Variants in HHAT observed in about 807,000 individuals in gnomAD.
The protein encoded by HHAT is protein-cysteine N-palmitoyltransferase HHAT.
A neutral mutation model predicts 70.8 loss-of-function variants in HHAT; 47 were observed. The observed-to-expected ratio is 0.66, with a 90% confidence interval of 0.53 to 0.85. The LOEUF is 0.85. HHAT is among the 40% of genes least tolerant of loss of function. The pLI is 0.00. For synonymous variants in HHAT, 228 were observed against 247.6 expected (o/e 0.92, Z 0.74); for missense variants, 609 against 604.8 (o/e 1.01, Z -0.07).
chr1:210,543,770 T>C (rs2095454651), intron 9 of HHAT, among the ~76,000 whole-genome samples: 1 of 152,204 alleles, frequency 6.6e-6, no homozygotes. Context: ...ATCCTTTCCA[T>C]GAACTCCTTA....
chr1:210,415,366 G>A (rs1181707809), intron 6 of HHAT, among the ~76,000 whole-genome samples: 1 of 152,174 alleles, frequency 6.6e-6, no homozygotes, highest in Non-Finnish European at 1.5e-5. Context: ...TTGAGGTAAG[G>A]ATTCAAATGA....
chr1:210,529,499 C>A (rs2095290827), intron 9 of HHAT, among the ~76,000 whole-genome samples: 3 of 152,064 alleles, frequency 2.0e-5, no homozygotes, highest in Admixed American at 6.6e-5. Flanking sequence ...TTTGAACATT[C>A]TTCTGGCTTT....
intron 9 of HHAT, among the ~76,000 whole-genome samples, chr1:210,522,786 T>C (rs891982823): frequency 2.7e-5 from 4 of 150,760 alleles, no homozygotes; most frequent in African/African-American, 9.7e-5. Flanking sequence ...AATCCCACTA[T>C]ACCTCTGGAA....
chr1:210,499,500 A>G (rs1481628398), intron 8 of HHAT, among the ~76,000 whole-genome samples: 1 of 152,134 alleles, frequency 6.6e-6, no homozygotes, highest in Admixed American at 6.5e-5. Flanking sequence ...TTAGCTGGGC[A>G]TGGTGATGCA....
At chr1:210,421,987 CTTTT>C (rs1246569286) in intron 7 of HHAT, among the ~76,000 whole-genome samples, 1 of 151,894 alleles carries the variant, frequency 6.6e-6, no homozygotes, top group Non-Finnish European at 1.5e-5. Context: ...ATCATTTTTA[CTTTT>C]TTGGGTCTTT....
chr1:210,511,513 G>A (rs1346609375), intron 8 of HHAT, among the ~76,000 whole-genome samples: 9 of 152,158 alleles, frequency 5.9e-5, no homozygotes, highest in African/African-American at 1.9e-4. Flanking sequence ...TACCAGGCAT[G>A]ATGGGATGTT....
chr1:210,545,397 CCCTT>C (rs1341497566), intron 9 of HHAT, among the ~76,000 whole-genome samples: 1 of 151,250 alleles, frequency 6.6e-6, no homozygotes, highest in Non-Finnish European at 1.5e-5. Context: ...AATAAGCTTT[CCCTT>C]CACAACTCAA....
intron 11 of HHAT, among the ~76,000 whole-genome samples, chr1:210,646,046 A>T (rs1254805398): frequency 6.6e-6 from 1 of 152,198 alleles, no homozygotes; most frequent in Non-Finnish European, 1.5e-5. Flanking sequence ...AGATAATGGG[A>T]AACTCACCCC....
At chr1:210,403,739 T>C (rs146762927) in intron 5 of HHAT, among the ~76,000 whole-genome samples, 31 of 152,336 alleles carry the variant, frequency 2.0e-4, no homozygotes, top group African/African-American at 7.2e-4. Flanking sequence ...ACATGGAAAA[T>C]GTAGAAAAAT....
intron 11 of HHAT, among the ~76,000 whole-genome samples, chr1:210,645,917 A>G (rs1311150221): frequency 6.6e-6 from 1 of 151,950 alleles, no homozygotes; most frequent in Middle Eastern, 3.4e-3. Flanking sequence ...TTTTTTGATC[A>G]CTTTGGCCAG....
intron 1 of HHAT, among the ~76,000 whole-genome samples, chr1:210,340,645 T>A (rs2147938948): frequency 6.6e-6 from 1 of 152,328 alleles, no homozygotes; most frequent in African/African-American, 2.4e-5. Flanking sequence ...TTTCAGTAAA[T>A]CTTTTAAGGA....
chr1:210,502,245 G>A (rs1189564907), intron 8 of HHAT, among the ~76,000 whole-genome samples: 1 of 151,662 alleles, frequency 6.6e-6, no homozygotes, highest in Non-Finnish European at 1.5e-5. Context: ...TTAGCCGGGA[G>A]TGGTGGTGGG....
intron 1 of HHAT, among the ~76,000 whole-genome samples, chr1:210,336,357 G>A (rs1424383313): frequency 7.1e-6 from 1 of 141,218 alleles, no homozygotes; most frequent in Non-Finnish European, 1.5e-5. Context: ...TGAACCCCTA[G>A]GCTCAAGTAG....
chr1:210,661,233 C>G (rs906065106), intron 11 of HHAT, among the ~76,000 whole-genome samples: 1 of 119,092 alleles, frequency 8.4e-6, no homozygotes, highest in African/African-American at 2.9e-5. Context: ...AAGAAAAAAC[C>G]CCATCAAAAA....
intron 6 of HHAT, among the ~76,000 whole-genome samples, chr1:210,407,305 C>T (rs2092369051): frequency 6.6e-6 from 1 of 152,194 alleles, no homozygotes; most frequent in Non-Finnish European, 1.5e-5. Flanking sequence ...GAAATGCCTT[C>T]AGCTATAAGG....
chr1:210,569,399 A>AAAAAAAAAAAAAAAAAC (rs1558182185), intron 9 of HHAT, among the ~76,000 whole-genome samples: 1 of 148,368 alleles, frequency 6.7e-6, no homozygotes. Context: ...AAAAAAAAAA[A>AAAAAAAAAAAAAAAAAC]GCGTATAGCA....
At chr1:210,389,639 C>T (rs2091321015) in intron 4 of HHAT, among the ~76,000 whole-genome samples, 1 of 152,194 alleles carries the variant, frequency 6.6e-6, no homozygotes. Flanking sequence ...GTTTGCTTCC[C>T]CTTTGCCTTC....
intron 11 of HHAT, among the ~76,000 whole-genome samples, chr1:210,639,338 A>T (rs1251883346): frequency 1.3e-5 from 2 of 152,250 alleles, no homozygotes; most frequent in Non-Finnish European, 2.9e-5. Flanking sequence ...TGTACTAGTC[A>T]TCATGTAAGT....
intron 7 of HHAT, among the ~76,000 whole-genome samples, chr1:210,418,942 A>G (rs1330048656): frequency 1.3e-5 from 2 of 152,152 alleles, no homozygotes; most frequent in Non-Finnish European, 2.9e-5. Context: ...CTGAGGCAGG[A>G]GAATCACTTG....
Sources: allele counts gnomAD v4.1 joint callset (sites outside exome capture counted in the v4.1 genomes callset), GRCh38; gene constraint gnomAD v4.1.1; transcripts MANE v1.5; gene names NCBI Gene and HGNC (gene_info 2026-07-23, HGNC 2026-07-21).